ANKRD40: variants seen among roughly 807,000 people sequenced by gnomAD.
The protein encoded by ANKRD40 is ankyrin repeat domain 40.
A neutral mutation model predicts 35.5 loss-of-function variants in ANKRD40; 24 were observed. The ratio of observed to expected loss-of-function variants is 0.68; its 90% CI spans 0.49 to 0.95. ANKRD40 has a LOEUF of 0.95. Among genes scored for constraint, ANKRD40 ranks in the 40% least tolerant of loss-of-function variants. The pLI, the probability that ANKRD40 is intolerant of heterozygous loss-of-function variation, is 0.00. For synonymous variants in ANKRD40, 147 were observed against 173.5 expected (o/e 0.85, Z 1.20); for missense variants, 361 against 436.0 (o/e 0.83, Z 1.53).
intron 2 of ANKRD40, 136 bp from the exon 3 acceptor site, chr17:50,700,029 T>C (rs1597867631): frequency 2.6e-6 from 2 of 772,478 alleles, no homozygotes; most frequent in Non-Finnish European, 1.8e-6. Flanking sequence ...CTTCATTAGG[T>C]TTATGATTAC....
At chr17:50,706,160 C>T (rs535073225) in intron 1 of ANKRD40, among the ~76,000 whole-genome samples, 3 of 149,712 alleles carry the variant, frequency 2.0e-5, no homozygotes, top group Admixed American at 1.3e-4. Context: ...CTTGCTCTGT[C>T]GCCCAGGCTG....
chr17:50,696,780 C>A, intron 4 of ANKRD40, 160 bp downstream of exon 4: 1 of 607,786 alleles, frequency 1.6e-6, no homozygotes, highest in Non-Finnish European at 2.5e-6. Context: ...AAGCCAGTGT[C>A]CCTATAGACT....
intron 1 of ANKRD40, among the ~76,000 whole-genome samples, chr17:50,706,903 CAAAAAAAAAA>C (rs35024672): frequency 6.8e-4 from 26 of 37,984 alleles, no homozygotes; most frequent in East Asian, 2.3e-3. Context: ...GACCCTGTCT[CAAAAAAAAAA>C]AAAAAAAAAA....
In ANKRD40 at chr17:50,695,234, A is replaced by G. The variant is rs1968184794; in HGVS notation, c.*763T>C. 6.6e-6 allele frequency: 1 copy of G among 152,306 alleles called. No individual in the cohort carries two copies. Among genetic ancestry groups the G allele is most frequent in the African/African-American group, 2.4e-5 (1 of 41,392 alleles). The allele number at this position is 152,306 out of a possible 1,614,324, so 9.4% of individuals were successfully genotyped here. A position where few individuals can be genotyped will look rare whatever the true frequency, so the allele number is the denominator to read the frequency against. On this transcript the variant is annotated 3_prime_UTR_variant, in exon 5 of 5. Transcript: ENST00000285243. ...GCGGGGTGGGGGTGGGGGGCATTGT[A>G]AAAAAGCAGTTGTTCTTTTAGAAGG...
chr17:50,694,286 G>A lies in ANKRD40; in HGVS notation c.*1711C>T, dbSNP rs1228998584. ...TGGGATACAATTAAGTCACTAAACAGAGTGAGTCCATGAAGTTAGCCTTGA... is the reference window on the plus strand; with the variant it reads ...TGGGATACAATTAAGTCACTAAACAAAGTGAGTCCATGAAGTTAGCCTTGA... On this transcript the variant is annotated 3_prime_UTR_variant, in exon 5 of 5. Transcript: ENST00000285243. 2 of 152,180 alleles carry A rather than the reference G, an allele frequency of 1.3e-5. No homozygotes were observed. The highest frequency in any genetic ancestry group is 4.8e-5 in the African/African-American group (2 of 41,416). The allele number at this position is 152,180 out of a possible 1,614,324, so 9.4% of individuals were successfully genotyped here. A position where few individuals can be genotyped will look rare whatever the true frequency, so the allele number is the denominator to read the frequency against.
intron 1 of ANKRD40, among the ~76,000 whole-genome samples, chr17:50,705,796 G>A (rs1249260485): frequency 6.6e-6 from 1 of 151,820 alleles, no homozygotes; most frequent in Non-Finnish European, 1.5e-5. Flanking sequence ...AAGTAGCTGG[G>A]ATGACAGGCA....
In ANKRD40 at chr17:50,699,938, T is replaced by A. The variant is rs770465484; in HGVS notation, c.284-45A>T. 6 of 1,419,366 alleles carry A rather than the reference T, an allele frequency of 4.2e-6. No individual in the cohort carries two copies. In the South Asian group the frequency reaches 1.1e-4, roughly 25 times the overall value. The allele number at this position is 1,419,366 out of a possible 1,614,324, so 87.9% of individuals were successfully genotyped here. On this transcript the variant is annotated intron_variant, in intron 2 of 4. Transcript: ENST00000285243. Reference sequence around the variant, plus strand: ...AACATTTACACAGTCCTTTCAAAATTATCAAAACAAGGTGTCTTTTGAAAG... The same window carrying A: ...AACATTTACACAGTCCTTTCAAAATAATCAAAACAAGGTGTCTTTTGAAAG...
intron 2 of ANKRD40, chr17:50,700,307 G>A (rs1173358386): frequency 1.8e-5 from 6 of 329,130 alleles, no homozygotes; most frequent in Admixed American, 4.3e-5. Flanking sequence ...GCGAGACGTG[G>A]TGGCACATGC....
At position 50,693,509 on chromosome 17, in the gene ANKRD40, G is replaced by A. The variant is rs1325161307; in HGVS notation, c.*2488C>T. 2.0e-5 allele frequency: 3 copies of A among 152,300 alleles called. No individual in the cohort carries two copies. Among genetic ancestry groups the A allele is most frequent in the Non-Finnish European group, 4.4e-5 (3 of 68,092 alleles). The allele number at this position is 152,300 out of a possible 1,614,324, so 9.4% of individuals were successfully genotyped here. ...CCACAGAGGATTTTATAAAGGAGAA[G>A]AGAGACCAGCATAGGACAGAGATAC... On this transcript the variant is annotated 3_prime_UTR_variant, in exon 5 of 5. Coordinates refer to ENST00000285243, the MANE Select transcript of ANKRD40 (RefSeq NM_052855.4).
chr17:50,707,620 T>A lies in ANKRD40; in HGVS notation c.35A>T (p.Glu12Val). ...NALLEQKEQQ[E>V]RLREAAALGD... ...TAAGGCCGCGGCCTCCCGCAGCCTC[T>A]CCTGCTGCTCCTTCTGCTCTAGGAG... Residue 12 changes from glutamate to valine, a missense_variant, in exon 1 of 5, where the codon GAG becomes GTG. By Grantham distance (121) the Glu-to-Val change is moderately radical (BLOSUM62 -2). This residue lies in a region of ANKRD40 where 56 missense variants were observed against 47.1 expected (regional missense o/e 1.19). Coordinates refer to ENST00000285243, the MANE Select transcript of ANKRD40 (RefSeq NM_052855.4). The surrounding 1 kb of genome is among the most constrained non-coding windows in gnomAD (Gnocchi z 4.8). The A allele has an allele frequency of 6.3e-7, 1 of 1,598,830 alleles. No individual in the cohort carries two copies. The highest frequency in any genetic ancestry group is 8.5e-7 in the Non-Finnish European group (1 of 1,173,472).
intron 1 of ANKRD40, chr17:50,700,935 C>T: frequency 2.1e-6 from 1 of 467,838 alleles, no homozygotes; most frequent in Non-Finnish European, 3.8e-6. Context: ...GAAAAACTAA[C>T]TTAACCTAGG....
In ANKRD40 at chr17:50,694,129, C is replaced by CCAAAAAAAAAAAA. The variant is rs1968165885; in HGVS notation, c.*1867_*1868insTTTTTTTTTTTTG. The CCAAAAAAAAAAAA allele has an allele frequency of 1.5e-5, 1 of 65,710 alleles. No homozygotes were observed. The highest frequency in any genetic ancestry group is 2.2e-4 in the Admixed American group (1 of 4,458). 4.1% of individuals were successfully genotyped at this position (65,710 alleles called of 1,614,324 possible). On this transcript the variant is annotated 3_prime_UTR_variant, in exon 5 of 5. Coordinates refer to ENST00000285243, the MANE Select transcript of ANKRD40 (RefSeq NM_052855.4). ...TGGGCAACAAAGCAAGACTCCGTCT[C>CCAAAAAAAAAAAA]AAAAAAAAAAAGAAAAGAAACACCA... is the stretch of plus-strand genomic sequence containing the variant.
At chr17:50,698,517 G>A (rs1968225831) in intron 3 of ANKRD40, among the ~76,000 whole-genome samples, 1 of 151,978 alleles carries the variant, frequency 6.6e-6, no homozygotes, top group African/African-American at 2.4e-5. Flanking sequence ...AAAATAATTG[G>A]CCTGGACTCT....
chr17:50,697,871 A>AG, intron 3 of ANKRD40, among the ~76,000 whole-genome samples: 1 of 152,322 alleles, frequency 6.6e-6, no homozygotes, highest in South Asian at 2.1e-4. Flanking sequence ...ACAGGAAGTG[A>AG]GAGAGTTACT....
In ANKRD40 at chr17:50,699,623, A is replaced by G. The variant is rs773052782; in HGVS notation, c.554T>C (p.Val185Ala). The change falls in exon 3 of 5, where the codon GTT becomes GCT. Residue 185 changes from valine to alanine, a missense_variant. By Grantham distance (64) the Val-to-Ala change is moderately conservative. Around this residue, in one of 5 missense-constraint regions of ANKRD40, gnomAD observed 172 missense variants for 174.0 expected, o/e 0.99. Transcript: ENST00000285243. Reference sequence around the variant, plus strand: ...GGGGGCCGACACATCACCATTCTGAACTAGTGCCAAAGAGGTGTGGTCCCG... The same window carrying G: ...GGGGGCCGACACATCACCATTCTGAGCTAGTGCCAAAGAGGTGTGGTCCCG... ...FPRDHTSLAL[V>A]QNGDVSAPSA... The G allele has an allele frequency of 3.7e-6, 6 of 1,614,154 alleles. No homozygotes were observed. In the South Asian group the frequency reaches 6.6e-5, roughly 18 times the overall value.
At chr17:50,698,889 C>T (rs1213269853) in intron 3 of ANKRD40, among the ~76,000 whole-genome samples, 1 of 149,646 alleles carries the variant, frequency 6.7e-6, no homozygotes, top group African/African-American at 2.5e-5. Context: ...CCTATAATCT[C>T]AGCACTTTGG....
Position 50,694,137 on chromosome 17 carries a change from A to AAAAAAAAAGAAAG in ANKRD40, c.*1859_*1860insCTTTCTTTTTTTT, listed in dbSNP as rs1052116288. 4 of 148,618 alleles carry AAAAAAAAAGAAAG rather than the reference A, an allele frequency of 2.7e-5. No individual in the cohort carries two copies. The Admixed American group carries it at 2.7e-4, about 10-fold the overall frequency. The allele number at this position is 148,618 out of a possible 1,614,324, so 9.2% of individuals were successfully genotyped here. ...AAAGCAAGACTCCGTCTCAAAAAAA[A>AAAAAAAAAGAAAG]AAAGAAAAGAAACACCAGGGAGGTT... On this transcript the variant is annotated 3_prime_UTR_variant, in exon 5 of 5. Coordinates refer to ENST00000285243, the MANE Select transcript of ANKRD40 (RefSeq NM_052855.4).
At chr17:50,698,871 G>A (rs563856018) in intron 3 of ANKRD40, among the ~76,000 whole-genome samples, 1 of 150,656 alleles carries the variant, frequency 6.6e-6, no homozygotes, top group South Asian at 2.1e-4. Context: ...TGGGTGCGGT[G>A]ATTCACACCT....
chr17:50,706,698 T>C (rs1968342728), intron 1 of ANKRD40, among the ~76,000 whole-genome samples: 1 of 148,900 alleles, frequency 6.7e-6, no homozygotes, highest in Non-Finnish European at 1.5e-5. Context: ...GGCCAGGAGT[T>C]TGAGACCAAC....
Sources: gnomAD v4.1 joint callset for allele counts (sites outside exome capture counted in the v4.1 genomes callset) on GRCh38, gnomAD v4.1.1 for gene constraint, gnomAD v4.1.1 regional missense constraint, Gnocchi (gnomAD v3.1) non-coding constraint, MANE v1.5 for transcripts, NCBI Gene and HGNC (gene_info 2026-07-23, HGNC 2026-07-21) for gene names.